STAG1: variants seen among roughly 807,000 people sequenced by gnomAD.
STAG1 encodes the protein cohesin subunit SA-1.
In STAG1, 26 loss-of-function variants were observed where a neutral mutation model predicts 170.9. That is an observed-to-expected ratio of 0.15 (90% CI 0.11 to 0.21). The LOEUF is 0.21. Among genes scored for constraint, STAG1 ranks in the 10% least tolerant of loss-of-function variants. The pLI is 1.00. For missense variants in STAG1, 964 were observed against 1,509.5 expected, an observed-to-expected ratio of 0.64 and a Z score of 5.99; for synonymous variants, 514 against 497.7, an observed-to-expected ratio of 1.03 and a Z score of -0.44.
At position 136,338,042 on chromosome 3, in the gene STAG1, G is replaced by A; in HGVS notation, c.*212C>T. Reference sequence around the variant, plus strand: ...AATAGTAGGACACAAATGATTTTCAGGTCAGTCTTTCTGAGTTGACATTCA... The same window carrying A: ...AATAGTAGGACACAAATGATTTTCAAGTCAGTCTTTCTGAGTTGACATTCA... On this transcript the variant is annotated 3_prime_UTR_variant, in exon 34 of 34. Transcript: ENST00000383202. 1.8e-6 allele frequency: 1 copy of A among 540,650 alleles called. No homozygotes were observed. The highest frequency in any genetic ancestry group is 2.8e-5 in the South Asian group (1 of 35,590). 33.5% of individuals were successfully genotyped at this position (540,650 alleles called of 1,614,324 possible). A position where few individuals can be genotyped will look rare whatever the true frequency, so the allele number is the denominator to read the frequency against.
chr3:136,382,064 T>A (rs561862530), intron 22 of STAG1, among the ~76,000 whole-genome samples: 2 of 152,316 alleles, frequency 1.3e-5, no homozygotes, highest in East Asian at 3.9e-4. Context: ...ACCACAATCC[T>A]GGGGGCAACT....
intron 3 of STAG1, among the ~76,000 whole-genome samples, chr3:136,608,719 G>C (rs995903444): frequency 6.9e-6 from 1 of 144,858 alleles, no homozygotes; most frequent in African/African-American, 2.6e-5. Context: ...TAGGAGAATC[G>C]AATGAGCCGG....
At chr3:136,489,321 G>A (rs1038935001) in intron 9 of STAG1, among the ~76,000 whole-genome samples, 2 of 152,144 alleles carry the variant, frequency 1.3e-5, no homozygotes, top group African/African-American at 2.4e-5. Context: ...CTCAGCAGAT[G>A]GAAGTTTAAT....
At chr3:136,478,782 T>C (rs554117929) in intron 9 of STAG1, among the ~76,000 whole-genome samples, 7 of 152,184 alleles carry the variant, frequency 4.6e-5, no homozygotes, top group Admixed American at 3.9e-4. Context: ...TTTTTGATAG[T>C]ATCTTTTTCT....
chr3:136,644,558 C>T (rs1228640083), intron 1 of STAG1, among the ~76,000 whole-genome samples: 2 of 152,032 alleles, frequency 1.3e-5, no homozygotes, highest in African/African-American at 4.8e-5. Flanking sequence ...ATACTAAGTA[C>T]AAAATTCTGG....
In STAG1 at chr3:136,430,806, GACACACAC is replaced by G. The variant is rs35492621; in HGVS notation, c.1650+2742_1650+2749del. Among the ~76,000 whole-genome samples the G allele has an allele frequency of 8.5e-3, 1,113 of 131,140 alleles. 10 individuals carry two copies. The highest frequency in any genetic ancestry group is 0.044 in the Middle Eastern group (11 of 252). The allele number at this position is 131,140 out of a possible 152,430, so 86.0% of individuals were successfully genotyped here. A position where few individuals can be genotyped will look rare whatever the true frequency, so the allele number is the denominator to read the frequency against. ...TAAGAGAAGGAAACAGACATAGACA[GACACACAC>G]ACACACACACACACACACACACACA... On this transcript the variant is annotated intron_variant, in intron 16 of 33. Coordinates refer to ENST00000383202, the MANE Select transcript of STAG1 (RefSeq NM_005862.3).
intron 5 of STAG1, among the ~76,000 whole-genome samples, chr3:136,553,757 A>G (rs1936503176): frequency 6.6e-6 from 1 of 152,276 alleles, no homozygotes; most frequent in African/African-American, 2.4e-5. Flanking sequence ...CTGGCAAGAG[A>G]GCGAGACTCC....
chr3:136,559,712 T>C (rs1936761040), intron 5 of STAG1, among the ~76,000 whole-genome samples: 1 of 152,240 alleles, frequency 6.6e-6, no homozygotes, highest in Admixed American at 6.5e-5. Context: ...ACTATTAGCA[T>C]GAGGCAACTT....
Position 136,426,203 on chromosome 3 carries a change from C to T in STAG1, c.1651-3159G>A, listed in dbSNP as rs1048846651. On this transcript the variant is annotated intron_variant, in intron 16 of 33. Coordinates refer to ENST00000383202, the MANE Select transcript of STAG1 (RefSeq NM_005862.3). ...CGGGCAGATCACGAGGTCAGGAGATCGAGACCATCCTGGCTAACACAGTGA... is the reference window on the plus strand; with the variant it reads ...CGGGCAGATCACGAGGTCAGGAGATTGAGACCATCCTGGCTAACACAGTGA... Among the ~76,000 whole-genome samples, 10 of 151,508 alleles carry T rather than the reference C, an allele frequency of 6.6e-5. No homozygotes were observed. In the East Asian group the frequency reaches 1.2e-3, roughly 18 times the overall value.
intron 9 of STAG1, among the ~76,000 whole-genome samples, chr3:136,477,702 G>A (rs1032201984): frequency 6.6e-6 from 1 of 152,104 alleles, no homozygotes; most frequent in Non-Finnish European, 1.5e-5. Flanking sequence ...AACTATTACA[G>A]AGCCAAGAAA....
At chr3:136,447,596 ATTTTTTTTTT>A (rs777110138) in intron 14 of STAG1, among the ~76,000 whole-genome samples, 26 of 74,328 alleles carry the variant, frequency 3.5e-4, no homozygotes, top group South Asian at 6.9e-4. Flanking sequence ...AAAGCATCAC[ATTTTTTTTTT>A]TTTTTTTTTT....
intron 21 of STAG1, among the ~76,000 whole-genome samples, chr3:136,407,253 T>C (rs1240985609): frequency 2.0e-5 from 3 of 152,192 alleles, no homozygotes; most frequent in Admixed American, 6.5e-5. Context: ...CTCGAACTCT[T>C]GACCTCAGGT....
At chr3:136,744,703 T>A (rs1290300672) in intron 1 of STAG1, among the ~76,000 whole-genome samples, 1 of 127,672 alleles carries the variant, frequency 7.8e-6, no homozygotes, top group Non-Finnish European at 1.6e-5. Context: ...TGAGACAGAG[T>A]CTCACTCTGT....
intron 23 of STAG1, among the ~76,000 whole-genome samples, chr3:136,372,210 C>A (rs937366659): frequency 6.6e-6 from 1 of 152,186 alleles, no homozygotes; most frequent in African/African-American, 2.4e-5. Flanking sequence ...TATCCTGAGA[C>A]TTTGCTGAAG....
rs374162790 is a variant in STAG1 at position 136,452,120 on chromosome 3, T to C, written c.1341A>G (p.Ala447=). 27 of 1,613,416 alleles carry C rather than the reference T, an allele frequency of 1.7e-5. No homozygotes were observed. Among genetic ancestry groups the C allele is most frequent in the Non-Finnish European group, 2.3e-5 (27 of 1,179,768 alleles). The change falls in exon 14 of 34, where the codon GCA becomes GCG. Residue 447 remains alanine (A), a synonymous_variant. Coordinates refer to ENST00000383202, the MANE Select transcript of STAG1 (RefSeq NM_005862.3). Reference sequence around the variant, plus strand: ...CCCTCCTCTTTGCTAATGCTTCTTCTGCTTGTGGGTCATGTCTGCTAAATA... The same window carrying C: ...CCCTCCTCTTTGCTAATGCTTCTTCCGCTTGTGGGTCATGTCTGCTAAATA... ...KKLFSRHDPQ[A]EEALAKRRGR... is the part of the protein sequence containing the mutation.
intron 22 of STAG1, 42 bp from the exon 23 acceptor site, chr3:136,377,794 C>T: frequency 6.6e-7 from 1 of 1,513,972 alleles, no homozygotes; most frequent in Non-Finnish European, 9.2e-7. Context: ...ATTACAGGAT[C>T]ACAGAAAACT....
At chr3:136,670,522 C>A (rs1403379033) in intron 1 of STAG1, among the ~76,000 whole-genome samples, 2 of 152,104 alleles carry the variant, frequency 1.3e-5, no homozygotes, top group Non-Finnish European at 2.9e-5. Context: ...ACTCTGTCGC[C>A]CAGGCTGGAG....
At chr3:136,363,707 T>A (rs551388701) in intron 25 of STAG1, among the ~76,000 whole-genome samples, 1 of 152,308 alleles carries the variant, frequency 6.6e-6, no homozygotes, top group African/African-American at 2.4e-5. Context: ...CTAATACTAG[T>A]AAAACCAAAA....
At chr3:136,631,360 C>T (rs557886528) in intron 1 of STAG1, among the ~76,000 whole-genome samples, 187 of 152,240 alleles carry the variant, frequency 1.2e-3, no homozygotes, top group South Asian at 2.9e-3. Context: ...AAAGGCAAAA[C>T]TATGGAGCCA....
Sources: allele counts gnomAD v4.1 joint callset (sites outside exome capture counted in the v4.1 genomes callset), GRCh38; gene constraint gnomAD v4.1.1; transcripts MANE v1.5; gene names NCBI Gene and HGNC (gene_info 2026-07-23, HGNC 2026-07-21).